Variants in C10orf105 observed in about 807,000 individuals in gnomAD.
The protein encoded by C10orf105 is chromosome 10 open reading frame 105.
Under a neutral mutation model 0.6 loss-of-function variants are expected in C10orf105, and 2 were observed. The observed-to-expected ratio is 3.18, with a 90% CI of 1.30 to 10.01. The LOEUF is 10.01. C10orf105 is among the 30% of genes most tolerant of loss of function. The pLI, the probability that C10orf105 is intolerant of heterozygous loss-of-function variation, is 0.04. For missense variants in C10orf105, 209 were observed against 191.4 expected (o/e 1.09, Z -0.54); for synonymous variants, 95 against 82.4 (o/e 1.15, Z -0.83).
intron 1 of C10orf105, among the ~76,000 whole-genome samples, chr10:71,730,135 C>G (rs990557014): frequency 6.6e-6 from 1 of 152,160 alleles, no homozygotes; most frequent in African/African-American, 2.4e-5. Context: ...CCGCGCCCGG[C>G]CGAATTATTA....
At position 71,715,537 on chromosome 10, in the gene C10orf105, C is replaced by G. The variant is rs889237063; in HGVS notation, c.*399G>C. 1 of 170,378 alleles carries G rather than the reference C, an allele frequency of 5.9e-6. No individual in the cohort carries two copies. Among genetic ancestry groups the G allele is most frequent in the Non-Finnish European group, 1.2e-5 (1 of 80,266 alleles). 10.6% of individuals were successfully genotyped at this position (170,378 alleles called of 1,614,324 possible). ...AGCATTTCACTTGACTAAAGGGAAC[C>G]TTTGCCATTTGGCAACTTCTCCATG... On this transcript the variant is annotated 3_prime_UTR_variant, in exon 2 of 2. Transcript: ENST00000441508.
intron 1 of C10orf105, among the ~76,000 whole-genome samples, chr10:71,728,865 G>C (rs532310255): frequency 1.3e-5 from 2 of 152,084 alleles, no homozygotes; most frequent in East Asian, 1.9e-4. Context: ...CACCACCCCC[G>C]GCTAATTTTT....
At chr10:71,730,192 G>C (rs1038794153) in intron 1 of C10orf105, among the ~76,000 whole-genome samples, 12 of 152,170 alleles carry the variant, frequency 7.9e-5, no homozygotes, top group Non-Finnish European at 1.3e-4. Flanking sequence ...GCCCCAAAGA[G>C]TCACTAATTA....
chr10:71,720,910 G>A (rs903100583), upstream of C10orf105, among the ~76,000 whole-genome samples: 13 of 152,348 alleles, frequency 8.5e-5, no homozygotes, highest in African/African-American at 3.1e-4. Flanking sequence ...GGCAGGGGCA[G>A]GCAGTAGGCA....
chr10:71,724,697 C>A (rs1427604122), upstream of C10orf105, among the ~76,000 whole-genome samples: 3 of 152,184 alleles, frequency 2.0e-5, no homozygotes, highest in African/African-American at 7.2e-5. Context: ...CCCAGGGCAG[C>A]CCCCAGCAGC....
At chr10:71,724,027 T>A, upstream of C10orf105, 1 of 1,554,536 alleles carries the variant, frequency 6.4e-7, no homozygotes, top group Middle Eastern at 1.7e-4. Context: ...AAGTAACTCG[T>A]GTCTCATTCT....
chr10:71,735,246 G>A (rs549982391), intron 1 of C10orf105, among the ~76,000 whole-genome samples: 5 of 152,288 alleles, frequency 3.3e-5, no homozygotes, highest in Admixed American at 1.3e-4. Context: ...GCCTGGGAGC[G>A]CTTAGGAAGG....
At chr10:71,722,526 G>T (rs1866606339), upstream of C10orf105, among the ~76,000 whole-genome samples, 1 of 152,222 alleles carries the variant, frequency 6.6e-6, no homozygotes, top group Non-Finnish European at 1.5e-5. Flanking sequence ...CCTACTGTGT[G>T]CCAGGATTGT....
At chr10:71,723,983 A>G (rs1866688594), upstream of C10orf105, 1 of 1,538,996 alleles carries the variant, frequency 6.5e-7, no homozygotes, top group Non-Finnish European at 8.8e-7. Context: ...GGAACTCTAA[A>G]AACCTCTTCT....
intron 1 of C10orf105, among the ~76,000 whole-genome samples, chr10:71,730,805 G>A (rs572131709): frequency 3.9e-5 from 6 of 152,384 alleles, no homozygotes; most frequent in African/African-American, 1.2e-4. Context: ...ATCAGGGAGA[G>A]TTGTCCCAAC....
In C10orf105 at chr10:71,715,987, G is replaced by GC; in HGVS notation, c.350dup (p.Glu119ArgfsTer8). 1 of 1,493,730 alleles carries GC rather than the reference G, an allele frequency of 6.7e-7. No individual in the cohort carries two copies. Among genetic ancestry groups the GC allele is most frequent in the Non-Finnish European group, 8.9e-7 (1 of 1,121,642 alleles). 92.5% of individuals were successfully genotyped at this position (1,493,730 alleles called of 1,614,324 possible). A position where few individuals can be genotyped will look rare whatever the true frequency, so the allele number is the denominator to read the frequency against. Reference sequence around the variant, plus strand: ...CACAGTGGCTGCGGTTGTCCTCGGGGCCCGGCAGGGGCTGTCGAGGGACGG... The same window carrying GC: ...CACAGTGGCTGCGGTTGTCCTCGGGGCCCCGGCAGGGGCTGTCGAGGGACGG... On this transcript the variant is annotated frameshift_variant, in exon 2 of 2. Transcript: ENST00000441508. LOFTEE classifies it low-confidence loss of function (END_TRUNC).
intron 1 of C10orf105, among the ~76,000 whole-genome samples, chr10:71,736,197 G>T (rs1030815267): frequency 6.6e-6 from 1 of 152,242 alleles, no homozygotes; most frequent in Admixed American, 6.5e-5. Context: ...CCCTCTTCCG[G>T]TTAGCAGGGC....
intron 1 of C10orf105, chr10:71,731,874 C>A (rs1337092024): frequency 3.7e-6 from 4 of 1,095,660 alleles, no homozygotes; most frequent in Non-Finnish European, 5.2e-6. Flanking sequence ...AGAGGTGGGG[C>A]AGCCCATGCT....
chr10:71,734,057 G>T (rs7069461), intron 1 of C10orf105, among the ~76,000 whole-genome samples: 2 of 152,200 alleles, frequency 1.3e-5, no homozygotes, highest in East Asian at 3.8e-4. Flanking sequence ...AAGCAGGAAG[G>T]CTTCATGGAA....
At chr10:71,723,986 C>G (rs887360491), upstream of C10orf105, 2 of 1,538,452 alleles carry the variant, frequency 1.3e-6, no homozygotes, top group East Asian at 4.9e-5. Context: ...ACTCTAAAAA[C>G]CTCTTCTCTC....
chr10:71,720,585 A>T (rs1866510902), upstream of C10orf105, among the ~76,000 whole-genome samples: 1 of 152,202 alleles, frequency 6.6e-6, no homozygotes, highest in South Asian at 2.1e-4. Flanking sequence ...TCAAGACAGG[A>T]GTCATGGCCC....
chr10:71,720,314 T>G (rs1866494347), upstream of C10orf105, among the ~76,000 whole-genome samples: 1 of 151,902 alleles, frequency 6.6e-6, no homozygotes, highest in Non-Finnish European at 1.5e-5. Context: ...TCTTCAAAGG[T>G]CAGGGGGATC....
intron 1 of C10orf105, among the ~76,000 whole-genome samples, chr10:71,729,575 G>C (rs535779082): frequency 6.6e-6 from 1 of 152,332 alleles, no homozygotes; most frequent in Non-Finnish European, 1.5e-5. Flanking sequence ...CCGGGTGTGG[G>C]TGCAGTGGGG....
chr10:71,719,112 T>C (rs1202330093), intron 1 of C10orf105, among the ~76,000 whole-genome samples: 5 of 150,046 alleles, frequency 3.3e-5, no homozygotes, highest in Non-Finnish European at 5.9e-5. Flanking sequence ...ATAAGTGGAG[T>C]TGTAATTAGC....
Sources: gnomAD v4.1 joint callset for allele counts (sites outside exome capture counted in the v4.1 genomes callset) on GRCh38, gnomAD v4.1.1 for gene constraint, MANE v1.5 for transcripts, NCBI Gene and HGNC (gene_info 2026-07-23, HGNC 2026-07-21) for gene names.